Variants in SREBF2 observed in about 807,000 individuals in gnomAD.
The protein encoded by SREBF2 is sterol regulatory element binding transcription factor 2, also known as sterol regulatory element-binding protein 2.
SREBF2 carries 55 observed loss-of-function variants against 113.1 expected under a neutral mutation model. The ratio of observed to expected loss-of-function variants is 0.49; its 90% confidence interval spans 0.39 to 0.61. The LOEUF is 0.61. SREBF2 is among the 20% of genes least tolerant of loss of function. SREBF2 has a pLI of 0.00. For missense variants in SREBF2, 1,349 were observed against 1,487.4 expected (o/e 0.91, Z 1.53); for synonymous variants, 593 against 605.7 (o/e 0.98, Z 0.31).
At chr22:41,848,736 C>G (rs1236636943) in intron 1 of SREBF2, among the ~76,000 whole-genome samples, 1 of 152,066 alleles carries the variant, frequency 6.6e-6, no homozygotes, top group African/African-American at 2.4e-5. Flanking sequence ...CTACTCGCTC[C>G]CCACCTGCCT....
At chr22:41,893,603 T>C (rs1047662895) in intron 12 of SREBF2, among the ~76,000 whole-genome samples, 3 of 152,062 alleles carry the variant, frequency 2.0e-5, no homozygotes, top group African/African-American at 7.2e-5. Flanking sequence ...TTAGCCCTTG[T>C]TTTGGGCACT....
At chr22:41,900,188 G>A in intron 15 of SREBF2, 142 bp from the exon 16 acceptor site, 1 of 1,521,348 alleles carries the variant, frequency 6.6e-7, no homozygotes. Context: ...CTGGTGGCAT[G>A]GTGCCATAGT....
intron 1 of SREBF2, among the ~76,000 whole-genome samples, chr22:41,840,767 A>G (rs2076822932): frequency 6.6e-6 from 1 of 152,096 alleles, no homozygotes; most frequent in African/African-American, 2.4e-5. Context: ...TCTGAATTCC[A>G]TGACAACGTG....
intron 4 of SREBF2, among the ~76,000 whole-genome samples, chr22:41,872,406 T>G (rs2077153473): frequency 6.6e-6 from 1 of 152,070 alleles, no homozygotes; most frequent in South Asian, 2.1e-4. Context: ...CTTTCTGAGC[T>G]GGTAGAAATG....
Position 41,905,560 on chromosome 22 carries a change from C to G in SREBF2, c.3326C>G (p.Ala1109Gly). 1 of 1,594,720 alleles carries G rather than the reference C, an allele frequency of 6.3e-7. No homozygotes were observed. The highest frequency in any genetic ancestry group is 8.5e-7 in the Non-Finnish European group (1 of 1,171,502). The part of the protein sequence containing the change: ...PGQRAVLLAE[A>G]ARTLEKVGDR... ...CAGCGGGCAGTGCTGCTGGCCGAAG[C>G]TGCCCGCACCCTGGAGAAGGTGGGC... Residue 1109 changes from alanine to glycine, a missense_variant, in exon 19 of 19, where the codon GCT becomes GGT. Physicochemically the swap from Ala to Gly is moderately conservative, Grantham distance 60. Transcript: ENST00000361204.
At chr22:41,902,405 G>A (rs536041900) in intron 16 of SREBF2, among the ~76,000 whole-genome samples, 2 of 152,296 alleles carry the variant, frequency 1.3e-5, no homozygotes, top group African/African-American at 4.8e-5. Context: ...TAAGTCCTAT[G>A]CCAGGGTCAT....
chr22:41,844,885 CA>C (rs1458757036), intron 1 of SREBF2, among the ~76,000 whole-genome samples: 2 of 152,022 alleles, frequency 1.3e-5, no homozygotes, highest in African/African-American at 4.8e-5. Flanking sequence ...CCTCCTGATA[CA>C]TTTGTCTTCC....
At chr22:41,899,133 G>A in intron 15 of SREBF2, 1 of 903,244 alleles carries the variant, frequency 1.1e-6, no homozygotes, top group Non-Finnish European at 1.5e-6. Context: ...GGCAGGCACT[G>A]GTGGTTCACA....
At chr22:41,871,172 C>A in intron 4 of SREBF2, 137 bp downstream of exon 4, 1 of 1,212,116 alleles carries the variant, frequency 8.3e-7, no homozygotes, top group Non-Finnish European at 1.2e-6. Context: ...TTGTAAATGT[C>A]ACCCCTCTTA....
At chr22:41,879,447 C>T (rs1272933859) in intron 9 of SREBF2, among the ~76,000 whole-genome samples, 7 of 152,122 alleles carry the variant, frequency 4.6e-5, no homozygotes, top group African/African-American at 1.7e-4. Flanking sequence ...GCATGTCTGT[C>T]AGCAGAGGGT....
chr22:41,868,987 G>T (rs903335001), intron 3 of SREBF2, among the ~76,000 whole-genome samples, 195 bp downstream of exon 3: 3 of 152,230 alleles, frequency 2.0e-5, no homozygotes, highest in Non-Finnish European at 4.4e-5. Context: ...CTGGCACTCA[G>T]GAAAGGCTGG....
At chr22:41,866,267 G>A (rs1308235643) in intron 1 of SREBF2, among the ~76,000 whole-genome samples, 1 of 152,098 alleles carries the variant, frequency 6.6e-6, no homozygotes. Flanking sequence ...GAAAAAGAGA[G>A]AGGCTGGGTG....
chr22:41,896,360 T>C (rs1397129133), intron 13 of SREBF2, among the ~76,000 whole-genome samples: 1 of 152,022 alleles, frequency 6.6e-6, no homozygotes, highest in Non-Finnish European at 1.5e-5. Flanking sequence ...TTTTTGTTTG[T>C]TTTTTGGGGG....
intron 1 of SREBF2, among the ~76,000 whole-genome samples, chr22:41,864,949 T>G (rs1158211654): frequency 1.3e-5 from 2 of 151,690 alleles, no homozygotes; most frequent in African/African-American, 4.8e-5. Flanking sequence ...CAATACCCTA[T>G]CTCAAAAAAA....
At chr22:41,899,162 C>T in intron 15 of SREBF2, 1 of 1,101,414 alleles carries the variant, frequency 9.1e-7, no homozygotes, top group Non-Finnish European at 1.1e-6. Context: ...AGAGAGGCCA[C>T]TGTTGCCCCC....
intron 8 of SREBF2, among the ~76,000 whole-genome samples, 173 bp from the exon 9 acceptor site, chr22:41,877,769 C>T (rs2077210180): frequency 6.6e-6 from 1 of 152,150 alleles, no homozygotes; most frequent in African/African-American, 2.4e-5. Flanking sequence ...GCACTCAGCT[C>T]CATAATGAGA....
At chr22:41,860,085 G>A (rs531152755) in intron 1 of SREBF2, among the ~76,000 whole-genome samples, 5 of 152,074 alleles carry the variant, frequency 3.3e-5, no homozygotes, top group East Asian at 1.9e-4. Flanking sequence ...GATTACAGGT[G>A]TGAGCCACCG....
rs1235914671 is a variant in SREBF2, at chr22:41,905,673, G to GCCCAC, written c.*17_*21dup. The GCCCAC allele has an allele frequency of 6.4e-7, 1 of 1,562,048 alleles. No homozygotes were observed. Among genetic ancestry groups the GCCCAC allele is most frequent in the African/African-American group, 1.4e-5 (1 of 73,586 alleles). ...TGCCGCCTCCTGACCACCAGGCTCA[G>GCCCAC]CCCACCCCTCCACCTCTCTCTCGAT... On this transcript the variant is annotated 3_prime_UTR_variant, in exon 19 of 19. Transcript: ENST00000361204.
chr22:41,881,186 A>C (rs1197191710), intron 10 of SREBF2, among the ~76,000 whole-genome samples, 194 bp downstream of exon 10: 1 of 152,260 alleles, frequency 6.6e-6, no homozygotes, highest in African/African-American at 2.4e-5. Flanking sequence ...CAGTTCTCAG[A>C]TGCACATGTT....
Sources: gnomAD v4.1 joint callset for allele counts (sites outside exome capture counted in the v4.1 genomes callset) on GRCh38, gnomAD v4.1.1 for gene constraint, MANE v1.5 for transcripts, NCBI Gene and HGNC (gene_info 2026-07-23, HGNC 2026-07-21) for gene names.